Variants in RALGPS2 observed in about 807,000 individuals in gnomAD.
RALGPS2 encodes Ral GEF with PH domain and SH3 binding motif 2.
A neutral mutation model predicts 86.8 loss-of-function variants in RALGPS2; 43 were observed. The ratio of observed to expected loss-of-function variants is 0.50; its 90% CI spans 0.39 to 0.64. RALGPS2 has a LOEUF of 0.64. RALGPS2 is among the 30% of genes least tolerant of loss of function. The probability of loss-of-function intolerance (pLI) is 0.00; values close to 1 mark genes in which losing one functional copy is unlikely to be tolerated. For missense variants in RALGPS2, 536 were observed against 694.6 expected (o/e 0.77, Z 2.57); for synonymous variants, 243 against 231.3 (o/e 1.05, Z -0.46).
chr1:178,762,914 A>G (rs1400233086), intron 1 of RALGPS2, among the ~76,000 whole-genome samples: 2 of 152,098 alleles, frequency 1.3e-5, no homozygotes, highest in Non-Finnish European at 2.9e-5. Context: ...TATCTTTGCC[A>G]GGGCCTATGT....
chr1:178,743,236 G>A (rs939380523), intron 1 of RALGPS2, among the ~76,000 whole-genome samples: 1 of 152,136 alleles, frequency 6.6e-6, no homozygotes, highest in Admixed American at 6.5e-5. Flanking sequence ...AAAAGAATTT[G>A]TGGGATACTA....
intron 7 of RALGPS2, among the ~76,000 whole-genome samples, chr1:178,824,527 C>T (rs1436877987): frequency 6.6e-6 from 1 of 151,972 alleles, no homozygotes; most frequent in Non-Finnish European, 1.5e-5. Context: ...CATTTTACGC[C>T]GGGTGCAGTG....
intron 8 of RALGPS2, among the ~76,000 whole-genome samples, chr1:178,874,675 G>A (rs777598217): frequency 8.5e-5 from 13 of 152,098 alleles, no homozygotes; most frequent in Non-Finnish European, 1.3e-4. Flanking sequence ...CAACATCCCC[G>A]TGCCATTTCC....
At chr1:178,843,664 A>G (rs890421950) in intron 8 of RALGPS2, among the ~76,000 whole-genome samples, 5 of 152,026 alleles carry the variant, frequency 3.3e-5, no homozygotes, top group Non-Finnish European at 5.9e-5. Context: ...TAAAAAAAAA[A>G]AAAGAAAGAA....
At chr1:178,734,458 T>G (rs995185475) in intron 1 of RALGPS2, among the ~76,000 whole-genome samples, 3 of 152,244 alleles carry the variant, frequency 2.0e-5, no homozygotes, top group Admixed American at 6.5e-5. Context: ...GATGAAAATG[T>G]TCTAAAATTG....
chr1:178,750,980 A>G (rs2102043597), intron 1 of RALGPS2, among the ~76,000 whole-genome samples: 1 of 152,168 alleles, frequency 6.6e-6, no homozygotes, highest in East Asian at 1.9e-4. Context: ...GGGGAATTGG[A>G]CAATGTATGG....
chr1:178,769,685 G>A (rs2102084212), intron 1 of RALGPS2, among the ~76,000 whole-genome samples: 1 of 152,290 alleles, frequency 6.6e-6, no homozygotes, highest in African/African-American at 2.4e-5. Context: ...AGGTCATGAA[G>A]CTGGCCCTGG....
chr1:178,906,202 G>A lies in RALGPS2; in HGVS notation c.1631-574G>A, dbSNP rs569716143. Among the ~76,000 whole-genome samples the A allele has an allele frequency of 5.3e-5, 8 of 152,022 alleles. No individual in the cohort carries two copies. The South Asian group carries it at 1.0e-3, about 20-fold the overall frequency. Reference sequence around the variant, plus strand: ...AGCCTAGCCAACATGGTGAAACCCCGTCTCTACTAAAAATACAAAAAACTT... The same window carrying A: ...AGCCTAGCCAACATGGTGAAACCCCATCTCTACTAAAAATACAAAAAACTT... On this transcript the variant is annotated intron_variant, in intron 18 of 19. Coordinates refer to ENST00000367635, the MANE Select transcript of RALGPS2 (RefSeq NM_152663.5).
chr1:178,818,132 G>A (rs1655323957), intron 6 of RALGPS2, among the ~76,000 whole-genome samples: 1 of 152,218 alleles, frequency 6.6e-6, no homozygotes, highest in East Asian at 1.9e-4. Context: ...AGGCCAAGGC[G>A]GGCAGATCAC....
At chr1:178,824,124 G>A (rs533519906) in intron 7 of RALGPS2, among the ~76,000 whole-genome samples, 2 of 152,316 alleles carry the variant, frequency 1.3e-5, no homozygotes, top group African/African-American at 4.8e-5. Context: ...AAGGTGCAAA[G>A]TTTGAGATGA....
intron 1 of RALGPS2, among the ~76,000 whole-genome samples, chr1:178,771,013 A>G (rs956699858): frequency 6.7e-6 from 1 of 149,392 alleles, no homozygotes; most frequent in Non-Finnish European, 1.5e-5. Flanking sequence ...TAAATTTTGT[A>G]TTTTTAGTGG....
At chr1:178,788,415 A>G (rs1462110204) in intron 4 of RALGPS2, among the ~76,000 whole-genome samples, 1 of 152,222 alleles carries the variant, frequency 6.6e-6, no homozygotes, top group Non-Finnish European at 1.5e-5. Context: ...TTAGCTATAG[A>G]GTGTCATGAA....
At chr1:178,915,199 A>G (rs1306096989) in intron 19 of RALGPS2, among the ~76,000 whole-genome samples, 2 of 152,216 alleles carry the variant, frequency 1.3e-5, no homozygotes, top group African/African-American at 4.8e-5. Flanking sequence ...GGCAACTTAA[A>G]AAGAAATGAA....
chr1:178,895,065 T>TG (rs142929161), intron 16 of RALGPS2, among the ~76,000 whole-genome samples: 187 of 151,622 alleles, frequency 1.2e-3, no homozygotes, highest in African/African-American at 2.8e-3. Flanking sequence ...ATAACTATAT[T>TG]GGGGGGGGAA....
intron 7 of RALGPS2, among the ~76,000 whole-genome samples, chr1:178,828,712 A>G (rs1429281465): frequency 2.0e-5 from 3 of 152,236 alleles, no homozygotes; most frequent in Non-Finnish European, 2.9e-5. Context: ...AATCAAAACC[A>G]CATAATATAT....
chr1:178,735,864 G>A (rs927985603), intron 1 of RALGPS2, among the ~76,000 whole-genome samples: 4 of 151,876 alleles, frequency 2.6e-5, no homozygotes. Context: ...ATTTTTAATG[G>A]TAGCATTGTA....
intron 8 of RALGPS2, chr1:178,853,665 C>T (rs1455804366): frequency 1.9e-6 from 3 of 1,612,780 alleles, no homozygotes; most frequent in African/African-American, 1.3e-5. Context: ...GTCCAACCCC[C>T]AGGGTCCAAA....
At position 178,891,495 on chromosome 1, in the gene RALGPS2, T is replaced by A. The variant is rs116769083; in HGVS notation, c.1248-735T>A. On this transcript the variant is annotated intron_variant, in intron 14 of 19. Coordinates refer to ENST00000367635, the MANE Select transcript of RALGPS2 (RefSeq NM_152663.5). ...TTTTTCTAGACAGACATCAAATACATTGTTTAAGTTGCTAAAATAATGCTT... is the reference window on the plus strand; with the variant it reads ...TTTTTCTAGACAGACATCAAATACAATGTTTAAGTTGCTAAAATAATGCTT... 2.6e-3 allele frequency among the ~76,000 whole-genome samples: 396 copies of A among 152,160 alleles called. 2 individuals are homozygous for A. Among genetic ancestry groups the A allele is most frequent in the African/African-American group, 8.5e-3 (351 of 41,502 alleles).
chr1:178,914,663 A>G (rs1436160019), intron 19 of RALGPS2, among the ~76,000 whole-genome samples: 1 of 151,796 alleles, frequency 6.6e-6, no homozygotes, highest in Non-Finnish European at 1.5e-5. Context: ...TCTTGTCCCA[A>G]TCCCGAGGGC....
Sources: gnomAD v4.1 joint callset for allele counts (sites outside exome capture counted in the v4.1 genomes callset) on GRCh38, gnomAD v4.1.1 for gene constraint, MANE v1.5 for transcripts, NCBI Gene and HGNC (gene_info 2026-07-23, HGNC 2026-07-21) for gene names.